Variants in MGAT4C observed in about 807,000 individuals in gnomAD.
MGAT4C encodes alpha-1,3-mannosyl-glycoprotein 4-beta-N-acetylglucosaminyltransferase C.
A neutral mutation model predicts 40.1 loss-of-function variants in MGAT4C; 19 were observed. That is an observed-to-expected ratio of 0.47 (90% CI 0.33 to 0.70). MGAT4C has a LOEUF of 0.70. MGAT4C is among the 30% of genes least tolerant of loss of function. The pLI, the probability that MGAT4C is intolerant of heterozygous loss-of-function variation, is 0.02. For missense variants in MGAT4C, 491 were observed against 563.2 expected (o/e 0.87, Z 1.30); for synonymous variants, 181 against 187.1 (o/e 0.97, Z 0.27).
intron 2 of MGAT4C, among the ~76,000 whole-genome samples, chr12:86,703,693 C>T (rs958905269): frequency 5.9e-5 from 9 of 152,136 alleles, no homozygotes; most frequent in Non-Finnish European, 1.2e-4. Flanking sequence ...GTGTGGTTAT[C>T]TTTATTGTGA....
In MGAT4C at chr12:85,979,751, C is replaced by T. The variant is rs771796611; in HGVS notation, c.975G>A (p.Leu325=). 3 of 1,613,438 alleles carry T rather than the reference C, an allele frequency of 1.9e-6. No individual in the cohort carries two copies. In the African/African-American group the frequency reaches 4.0e-5, roughly 22 times the overall value. The change falls in exon 5 of 5, where the codon CTG becomes CTA. Residue 325 remains leucine, a synonymous_variant. Transcript: ENST00000611864. ...YSSYKGTENK[L]KDDDFEEESF... ...ACTCCTCTTCAAAATCATCATCCTTCAGCTTATTCTCCGTCCCTTTGTATG... is the reference window on the plus strand; with the variant it reads ...ACTCCTCTTCAAAATCATCATCCTTTAGCTTATTCTCCGTCCCTTTGTATG...
Position 85,966,856 on chromosome 12 carries a change from T to C in MGAT4C, c.*12433A>G, listed in dbSNP as rs1883393364. On this transcript the variant is annotated 3_prime_UTR_variant, in exon 5 of 5. Transcript: ENST00000611864. ...GTGGGAACTGAACATTGAGAACACATAGACACAGGAAGGGGAACATCACAC... is the reference window on the plus strand; with the variant it reads ...GTGGGAACTGAACATTGAGAACACACAGACACAGGAAGGGGAACATCACAC... 2 of 140,154 alleles carry C rather than the reference T, an allele frequency of 1.4e-5. No individual in the cohort carries two copies. The highest frequency in any genetic ancestry group is 3.9e-3 in the Middle Eastern group (1 of 258). The allele number at this position is 140,154 out of a possible 1,614,324, so 8.7% of individuals were successfully genotyped here. A position where few individuals can be genotyped will look rare whatever the true frequency, so the allele number is the denominator to read the frequency against.
In MGAT4C at chr12:86,017,869, A is replaced by G. The variant is rs566496863; in HGVS notation, c.-6-28317T>C. Among the ~76,000 whole-genome samples the G allele has an allele frequency of 7.9e-5, 12 of 152,292 alleles. No homozygotes were observed. In the South Asian group the frequency reaches 2.1e-3, roughly 26 times the overall value. On this transcript the variant is annotated intron_variant, in intron 2 of 4. Transcript: ENST00000611864. ...AATCATTGCTCATGAAGGCAGATAAAGTATTAGTTGTACAAATGTTATTAC... is the reference window on the plus strand; with the variant it reads ...AATCATTGCTCATGAAGGCAGATAAGGTATTAGTTGTACAAATGTTATTAC...
At chr12:86,754,393 A>T (rs1951268539) in intron 1 of MGAT4C, among the ~76,000 whole-genome samples, 1 of 152,142 alleles carries the variant, frequency 6.6e-6, no homozygotes, top group Non-Finnish European at 1.5e-5. Context: ...CATATTCATT[A>T]TCTTGATTGT....
chr12:86,605,986 G>A (rs371715052), intron 2 of MGAT4C, among the ~76,000 whole-genome samples: 1 of 152,098 alleles, frequency 6.6e-6, no homozygotes, highest in East Asian at 1.9e-4. Context: ...GCCTTAGAAA[G>A]CTTACCATTA....
intron 2 of MGAT4C, among the ~76,000 whole-genome samples, chr12:86,571,007 G>A (rs1039085052): frequency 1.3e-5 from 2 of 151,966 alleles, no homozygotes; most frequent in Admixed American, 6.6e-5. Context: ...CAGAGATTGG[G>A]TTTCCCCATA....
At chr12:86,369,014 G>A (rs536747916) in intron 3 of MGAT4C, among the ~76,000 whole-genome samples, 8 of 151,648 alleles carry the variant, frequency 5.3e-5, no homozygotes, top group South Asian at 2.1e-4. Context: ...TATTTCAGAC[G>A]TCAATATTTG....
intron 4 of MGAT4C, among the ~76,000 whole-genome samples, chr12:86,322,767 T>C (rs1310043383): frequency 1.3e-5 from 2 of 152,080 alleles, no homozygotes; most frequent in African/African-American, 2.4e-5. Context: ...AACGTGTTCA[T>C]ATATGAGTCA....
At chr12:86,359,712 A>G (rs1451921328) in intron 3 of MGAT4C, among the ~76,000 whole-genome samples, 1 of 152,228 alleles carries the variant, frequency 6.6e-6, no homozygotes, top group African/African-American at 2.4e-5. Context: ...CGTCTATGCA[A>G]ATAAACTAGA....
At chr12:86,047,077 G>A (rs778584879) in intron 2 of MGAT4C, among the ~76,000 whole-genome samples, 4 of 151,932 alleles carry the variant, frequency 2.6e-5, no homozygotes, top group Non-Finnish European at 5.9e-5. Context: ...GATGAAAATC[G>A]CCAAAACAAA....
In MGAT4C at chr12:85,960,876, T is replaced by C. The variant is rs1430331324; in HGVS notation, c.*18413A>G. On this transcript the variant is annotated 3_prime_UTR_variant, in exon 5 of 5. Coordinates refer to ENST00000611864, the MANE Select transcript of MGAT4C (RefSeq NM_001351288.2). Reference sequence around the variant, plus strand: ...TTGATACTGAGCCTGTAAATATTTATTTATATGATGTTTGGCACTTTATTT... The same window carrying C: ...TTGATACTGAGCCTGTAAATATTTACTTATATGATGTTTGGCACTTTATTT... 1 of 151,996 alleles carries C rather than the reference T, an allele frequency of 6.6e-6. No individual in the cohort carries two copies. The highest frequency in any genetic ancestry group is 1.9e-4 in the East Asian group (1 of 5,204). The allele number at this position is 151,996 out of a possible 1,614,324, so 9.4% of individuals were successfully genotyped here.
intron 1 of MGAT4C, among the ~76,000 whole-genome samples, chr12:86,214,494 GC>G (rs879752779): frequency 2.5e-4 from 38 of 152,250 alleles, no homozygotes; most frequent in Admixed American, 4.6e-4. Context: ...AGACAGGGTG[GC>G]ATAACAATAA....
chr12:86,561,948 C>T (rs186288033), intron 2 of MGAT4C, among the ~76,000 whole-genome samples: 1 of 152,224 alleles, frequency 6.6e-6, no homozygotes, highest in Non-Finnish European at 1.5e-5. Flanking sequence ...ACTGATAGTC[C>T]TGGGCATGAA....
intron 2 of MGAT4C, among the ~76,000 whole-genome samples, chr12:86,442,050 A>T (rs1957239326): frequency 6.6e-6 from 1 of 152,192 alleles, no homozygotes; most frequent in East Asian, 1.9e-4. Context: ...CTGGTGTGAG[A>T]TGGTATCTCA....
At position 86,492,839 on chromosome 12, in the gene MGAT4C, C is replaced by T. The variant is rs376092845; in HGVS notation, c.-228-57574G>A. ...AGGAGCTTCTGCACAGCAAAAGAAA[C>T]TACCATCAGAGTGAACAGGCAACCT... On this transcript the variant is annotated intron_variant, in intron 2 of 7. Coordinates refer to the MGAT4C transcript ENST00000548651. Among the ~76,000 whole-genome samples the T allele has an allele frequency of 1.1e-4, 17 of 152,242 alleles. No individual in the cohort carries two copies. The East Asian group carries it at 2.5e-3, about 23-fold the overall frequency.
chr12:86,016,566 G>A (rs1246338177), intron 2 of MGAT4C: 1 of 152,330 alleles, frequency 6.6e-6, no homozygotes, highest in East Asian at 1.9e-4. Flanking sequence ...TCAGAATTGA[G>A]TGGTAGCAGT....
At chr12:86,753,592 C>G (rs914803066) in intron 1 of MGAT4C, among the ~76,000 whole-genome samples, 2 of 151,668 alleles carry the variant, frequency 1.3e-5, no homozygotes, top group Admixed American at 1.3e-4. Context: ...TCGGCAGTCA[C>G]GCAATGGGAG....
chr12:86,038,724 C>G (rs144851336), intron 2 of MGAT4C, among the ~76,000 whole-genome samples: 2 of 149,812 alleles, frequency 1.3e-5, no homozygotes, highest in East Asian at 3.9e-4. Flanking sequence ...TGGCATTTAG[C>G]CCATTTACAT....
intron 2 of MGAT4C, among the ~76,000 whole-genome samples, chr12:86,589,169 G>T (rs1961209522): frequency 6.6e-6 from 1 of 151,572 alleles, no homozygotes; most frequent in African/African-American, 2.4e-5. Context: ...GACTAATAAA[G>T]AAAAAAAGAG....
Sources: gnomAD v4.1 joint callset for allele counts (sites outside exome capture counted in the v4.1 genomes callset) on GRCh38, gnomAD v4.1.1 for gene constraint, MANE v1.5 for transcripts, NCBI Gene and HGNC (gene_info 2026-07-23, HGNC 2026-07-21) for gene names.